Variants in RABGAP1L observed in about 807,000 individuals in gnomAD.
The protein encoded by RABGAP1L is rab GTPase-activating protein 1-like.
In RABGAP1L, 63 loss-of-function variants were observed where a neutral mutation model predicts 137.7. The ratio of observed to expected loss-of-function variants is 0.46; its 90% CI spans 0.37 to 0.56. The LOEUF (loss-of-function observed/expected upper bound fraction) is 0.56, where lower values mean the gene tolerates loss of function less well. Among genes scored for constraint, RABGAP1L ranks in the 20% least tolerant of loss-of-function variants. The probability of loss-of-function intolerance (pLI) is 0.00; values close to 1 mark genes in which losing one functional copy is unlikely to be tolerated. For synonymous variants in RABGAP1L, 431 were observed against 433.7 expected, an observed-to-expected ratio of 0.99 and a Z score of 0.08; for missense variants, 1,095 against 1,244.0, an observed-to-expected ratio of 0.88 and a Z score of 1.80.
chr1:174,531,820 T>A (rs567086739), intron 13 of RABGAP1L, among the ~76,000 whole-genome samples: 2 of 151,892 alleles, frequency 1.3e-5, no homozygotes, highest in African/African-American at 4.8e-5. Flanking sequence ...TAAAAGATCT[T>A]ACAAACTTCC....
chr1:174,969,450 C>A, intron 21 of RABGAP1L, 63 bp downstream of exon 21: 1 of 1,237,018 alleles, frequency 8.1e-7, no homozygotes, highest in Non-Finnish European at 1.2e-6. Context: ...GCCCTCATCA[C>A]CGCCCCCACA....
intron 1 of RABGAP1L, among the ~76,000 whole-genome samples, chr1:174,167,607 C>G (rs952357115): frequency 5.9e-5 from 9 of 152,136 alleles, no homozygotes; most frequent in Non-Finnish European, 1.3e-4. Context: ...GTATGGAATT[C>G]ATTCATATAC....
intron 19 of RABGAP1L, among the ~76,000 whole-genome samples, chr1:174,949,088 C>A (rs947472812): frequency 1.3e-5 from 2 of 152,096 alleles, no homozygotes; most frequent in Admixed American, 6.5e-5. Flanking sequence ...GTTTTATGTA[C>A]TTTCTGGGAT....
intron 19 of RABGAP1L, among the ~76,000 whole-genome samples, chr1:174,946,914 AAAAATAT>A (rs1213760591): frequency 2.2e-5 from 1 of 45,628 alleles, no homozygotes; most frequent in Non-Finnish European, 4.2e-5. Context: ...AAAAAAAAAA[AAAAATAT>A]ATATATATAT....
intron 11 of RABGAP1L, among the ~76,000 whole-genome samples, chr1:174,348,923 T>G (rs1443352425): frequency 1.3e-5 from 2 of 152,236 alleles, no homozygotes; most frequent in Non-Finnish European, 2.9e-5. Context: ...CGCCTTTCTA[T>G]TCCACAAAGC....
At chr1:174,321,856 G>T (rs963640234) in intron 11 of RABGAP1L, among the ~76,000 whole-genome samples, 5 of 152,044 alleles carry the variant, frequency 3.3e-5, no homozygotes, top group African/African-American at 1.2e-4. Context: ...TAATGTTTTT[G>T]TGTATCTTTT....
At chr1:174,351,593 CTT>C (rs937998582) in intron 11 of RABGAP1L, among the ~76,000 whole-genome samples, 15 of 152,120 alleles carry the variant, frequency 9.9e-5, no homozygotes, top group Middle Eastern at 3.4e-3. Context: ...ATTTAGGATC[CTT>C]TCTTTATTCT....
At chr1:174,251,310 G>A (rs1269558096) in intron 6 of RABGAP1L, among the ~76,000 whole-genome samples, 6 of 146,744 alleles carry the variant, frequency 4.1e-5, no homozygotes, top group African/African-American at 1.5e-4. Flanking sequence ...AATCAAAATT[G>A]TTTTTAACAG....
intron 13 of RABGAP1L, chr1:174,548,322 A>G: frequency 2.5e-6 from 3 of 1,204,372 alleles, no homozygotes; most frequent in Non-Finnish European, 3.1e-6. Context: ...CATTTGTAAA[A>G]TGATAGTTTT....
At chr1:174,485,701 G>C (rs1659551890) in intron 13 of RABGAP1L, among the ~76,000 whole-genome samples, 1 of 152,196 alleles carries the variant, frequency 6.6e-6, no homozygotes, top group Admixed American at 6.5e-5. Flanking sequence ...ACTTGGCCAT[G>C]ATGAATGATC....
chr1:174,475,020 C>T (rs572200779), intron 13 of RABGAP1L, among the ~76,000 whole-genome samples: 2 of 151,908 alleles, frequency 1.3e-5, no homozygotes, highest in South Asian at 4.2e-4. Flanking sequence ...ATGTATGTTA[C>T]AATAAATATT....
At chr1:174,715,023 C>T (rs1298696652) in intron 17 of RABGAP1L, among the ~76,000 whole-genome samples, 2 of 152,032 alleles carry the variant, frequency 1.3e-5, no homozygotes. Context: ...TAATATAGGG[C>T]GTAATCTTTA....
intron 18 of RABGAP1L, among the ~76,000 whole-genome samples, chr1:174,798,017 G>A (rs1258520108): frequency 1.3e-5 from 2 of 151,960 alleles, no homozygotes; most frequent in Admixed American, 6.6e-5. Context: ...AGGCAGGAAC[G>A]TAGCACATTA....
intron 19 of RABGAP1L, among the ~76,000 whole-genome samples, chr1:174,935,984 CAAAAAAAAAAA>C (rs58215269): frequency 2.3e-5 from 1 of 43,176 alleles, no homozygotes; most frequent in Admixed American, 3.2e-4. Flanking sequence ...TCCATCTCAC[CAAAAAAAAAAA>C]AAAAAAAAAA....
intron 4 of RABGAP1L, among the ~76,000 whole-genome samples, chr1:174,232,127 T>G (rs1235083388): frequency 6.6e-6 from 1 of 152,356 alleles, no homozygotes; most frequent in East Asian, 1.9e-4. Flanking sequence ...GTTATTTACA[T>G]TAGACTGGAA....
chr1:174,642,892 C>T (rs1416976480), intron 14 of RABGAP1L, among the ~76,000 whole-genome samples: 4 of 151,676 alleles, frequency 2.6e-5, no homozygotes, highest in Admixed American at 1.3e-4. Context: ...TCAAGCAATC[C>T]TCCCACCTCA....
chr1:174,258,584 T>C (rs1353357042), intron 7 of RABGAP1L, among the ~76,000 whole-genome samples: 1 of 152,216 alleles, frequency 6.6e-6, no homozygotes, highest in Non-Finnish European at 1.5e-5. Context: ...ATTATAGGCG[T>C]GAGCCACTGT....
At chr1:174,419,539 T>C (rs1259815927) in intron 13 of RABGAP1L, among the ~76,000 whole-genome samples, 3 of 152,240 alleles carry the variant, frequency 2.0e-5, no homozygotes, top group Non-Finnish European at 4.4e-5. Context: ...TTTAAAATTT[T>C]CTGTAACTGT....
At chr1:174,361,410 A>G (rs1333528462) in intron 11 of RABGAP1L, among the ~76,000 whole-genome samples, 5 of 152,080 alleles carry the variant, frequency 3.3e-5, no homozygotes, top group Non-Finnish European at 7.4e-5. Flanking sequence ...CTTCCAATCC[A>G]TGAACATGAA....
Sources: gnomAD v4.1 joint callset for allele counts (sites outside exome capture counted in the v4.1 genomes callset) on GRCh38, gnomAD v4.1.1 for gene constraint, MANE v1.5 for transcripts, NCBI Gene and HGNC (gene_info 2026-07-23, HGNC 2026-07-21) for gene names.